EDIL3: variants seen among roughly 807,000 people sequenced by gnomAD.
EDIL3 encodes EGF like and discoidin domains 3, also known as EGF-like repeat and discoidin I-like domain-containing protein 3.
A neutral mutation model predicts 67.4 loss-of-function variants in EDIL3; 37 were observed. That is an observed-to-expected ratio of 0.55 (90% CI 0.42 to 0.72). EDIL3 has a LOEUF of 0.72. Among genes scored for constraint, EDIL3 ranks in the 30% least tolerant of loss-of-function variants. The pLI is 0.00. For missense variants in EDIL3, 527 were observed against 586.3 expected, an observed-to-expected ratio of 0.90 and a Z score of 1.04; for synonymous variants, 195 against 196.3, an observed-to-expected ratio of 0.99 and a Z score of 0.05.
intron 4 of EDIL3, among the ~76,000 whole-genome samples, chr5:84,150,427 T>C (rs998914610): frequency 6.6e-6 from 1 of 151,974 alleles, no homozygotes; most frequent in Admixed American, 6.5e-5. Flanking sequence ...TATAAACAAC[T>C]CTCATAACTC....
intron 6 of EDIL3, among the ~76,000 whole-genome samples, chr5:84,104,482 A>C (rs941334020): frequency 1.7e-4 from 26 of 152,024 alleles, no homozygotes; most frequent in African/African-American, 6.3e-4. Flanking sequence ...AATACATTGA[A>C]TATAATTCCT....
At chr5:84,207,929 A>C (rs1027553143) in intron 3 of EDIL3, among the ~76,000 whole-genome samples, 6 of 152,328 alleles carry the variant, frequency 3.9e-5, no homozygotes, top group Middle Eastern at 3.4e-3. Context: ...CGTTAGACCT[A>C]AAACCATAAA....
At chr5:84,250,322 C>CAG (rs1401902958) in intron 2 of EDIL3, among the ~76,000 whole-genome samples, 14 of 150,288 alleles carry the variant, frequency 9.3e-5, no homozygotes, top group South Asian at 2.1e-4. Context: ...TACAGAGAGG[C>CAG]AGAGAGAGAG....
At chr5:84,197,997 A>G (rs138018561) in intron 3 of EDIL3, among the ~76,000 whole-genome samples, 16 of 152,128 alleles carry the variant, frequency 1.1e-4, no homozygotes, top group Admixed American at 3.3e-4. Context: ...AGTGGAAAGG[A>G]TAGTAGGAGG....
intron 1 of EDIL3, among the ~76,000 whole-genome samples, chr5:84,348,295 C>T (rs1219055318): frequency 1.3e-5 from 2 of 152,040 alleles, no homozygotes; most frequent in African/African-American, 4.8e-5. Context: ...TTTCTACTCT[C>T]CTTGTTCCAG....
intron 10 of EDIL3, among the ~76,000 whole-genome samples, chr5:83,944,641 A>G (rs1173288021): frequency 6.6e-6 from 1 of 151,890 alleles, no homozygotes; most frequent in African/African-American, 2.4e-5. Context: ...ATTTCTTATT[A>G]AAGTGATTTC....
chr5:83,978,329 T>C lies in EDIL3; in HGVS notation c.1138-14969A>G, dbSNP rs78502501. Among the ~76,000 whole-genome samples the C allele has an allele frequency of 6.8e-3, 1,041 of 152,056 alleles. 10 individuals carry two copies. Among genetic ancestry groups the C allele is most frequent in the Non-Finnish European group, 0.011 (780 of 67,884 alleles). Reference sequence around the variant, plus strand: ...TGAAGTCCTTAATAAAAAACAATTTTAACACCTTTGAATAACTCAACAGAA... The same window carrying C: ...TGAAGTCCTTAATAAAAAACAATTTCAACACCTTTGAATAACTCAACAGAA... On this transcript the variant is annotated intron_variant, in intron 9 of 10. Transcript: ENST00000296591.
intron 2 of EDIL3, among the ~76,000 whole-genome samples, chr5:84,237,363 C>A (rs904042848): frequency 4.6e-5 from 7 of 152,120 alleles, no homozygotes; most frequent in African/African-American, 1.7e-4. Flanking sequence ...AATGTTAATG[C>A]TGGACAAGAC....
At chr5:84,077,673 C>G (rs1746886223) in intron 6 of EDIL3, among the ~76,000 whole-genome samples, 1 of 152,054 alleles carries the variant, frequency 6.6e-6, no homozygotes, top group Non-Finnish European at 1.5e-5. Flanking sequence ...CGGGACCCTC[C>G]CCTGACACAT....
chr5:84,346,298 G>A (rs1032715), intron 1 of EDIL3, among the ~76,000 whole-genome samples: 1 of 151,486 alleles, frequency 6.6e-6, no homozygotes, highest in Admixed American at 6.6e-5. Context: ...AAACATTTTA[G>A]GTTTGAGGTT....
rs1215622775 is a variant in EDIL3 at position 83,941,758 on chromosome 5, T to A, written c.*1661A>T. The A allele has an allele frequency of 6.6e-6, 1 of 152,004 alleles. No individual in the cohort carries two copies. Among genetic ancestry groups the A allele is most frequent in the African/African-American group, 2.4e-5 (1 of 41,432 alleles). The allele number at this position is 152,004 out of a possible 1,614,324, so 9.4% of individuals were successfully genotyped here. A position where few individuals can be genotyped will look rare whatever the true frequency, so the allele number is the denominator to read the frequency against. ...TAATAAGAACAAGAAGTAGAAAGCA[T>A]ATGGGCAAGGAACAAATATGTGGCC... On this transcript the variant is annotated 3_prime_UTR_variant, in exon 11 of 11. Transcript: ENST00000296591.
chr5:84,056,885 C>T (rs1746458877), intron 9 of EDIL3, among the ~76,000 whole-genome samples: 1 of 151,922 alleles, frequency 6.6e-6, no homozygotes, highest in African/African-American at 2.4e-5. Context: ...ATATAAACAA[C>T]TGAAAAAGAA....
chr5:84,108,423 T>C (rs1310731249), intron 5 of EDIL3, among the ~76,000 whole-genome samples: 1 of 152,094 alleles, frequency 6.6e-6, no homozygotes, highest in Non-Finnish European at 1.5e-5. Context: ...TAATAAGATC[T>C]TTTTTTAACA....
chr5:84,246,877 G>T (rs2112067149), intron 2 of EDIL3, among the ~76,000 whole-genome samples: 1 of 152,132 alleles, frequency 6.6e-6, no homozygotes, highest in South Asian at 2.1e-4. Flanking sequence ...GTATGTTACA[G>T]AATTTTTACA....
chr5:84,383,901 G>T (rs1423340592), intron 1 of EDIL3, among the ~76,000 whole-genome samples: 2 of 152,092 alleles, frequency 1.3e-5, no homozygotes, highest in Non-Finnish European at 2.9e-5. Context: ...CTGACGCCCG[G>T]GCGCACTGGC....
intron 1 of EDIL3, among the ~76,000 whole-genome samples, chr5:84,307,049 A>C (rs957461833): frequency 6.6e-6 from 1 of 152,248 alleles, no homozygotes; most frequent in African/African-American, 2.4e-5. Flanking sequence ...CTAGAGACAG[A>C]AAAGACATAA....
At chr5:84,041,371 G>T (rs1746117493) in intron 9 of EDIL3, among the ~76,000 whole-genome samples, 1 of 151,574 alleles carries the variant, frequency 6.6e-6, no homozygotes. Flanking sequence ...TTCTGATGCA[G>T]GAGGTCTCCA....
intron 3 of EDIL3, among the ~76,000 whole-genome samples, chr5:84,218,860 C>A (rs776835413): frequency 6.6e-6 from 1 of 152,128 alleles, no homozygotes; most frequent in Non-Finnish European, 1.5e-5. Flanking sequence ...GTGGGAAGGA[C>A]TTTGTCTTGT....
At chr5:84,021,937 A>G (rs995364269) in intron 9 of EDIL3, among the ~76,000 whole-genome samples, 4 of 151,974 alleles carry the variant, frequency 2.6e-5, no homozygotes, top group African/African-American at 9.7e-5. Context: ...AAAGCCCAGG[A>G]TTAGATGAAA....
Sources: allele counts gnomAD v4.1 joint callset (sites outside exome capture counted in the v4.1 genomes callset), GRCh38; gene constraint gnomAD v4.1.1; transcripts MANE v1.5; gene names NCBI Gene and HGNC (gene_info 2026-07-23, HGNC 2026-07-21).